The following FGD6 variants were observed in gnomAD, a reference collection of about 807,000 sequenced individuals.
FGD6 encodes FYVE, RhoGEF and PH domain containing 6.
In FGD6, 90 loss-of-function variants were observed where a neutral mutation model predicts 149.4. That is an observed-to-expected ratio of 0.60 (90% CI 0.51 to 0.72). The LOEUF (loss-of-function observed/expected upper bound fraction) is 0.72. Ranked by LOEUF, FGD6 falls within the 30% of genes least tolerant of loss-of-function variation. The pLI, the probability that FGD6 is intolerant of heterozygous loss-of-function variation, is 0.00. For missense variants in FGD6, 1,437 were observed against 1,684.8 expected (o/e 0.85, Z 2.57); for synonymous variants, 527 against 584.0 (o/e 0.90, Z 1.41).
intron 2 of FGD6, among the ~76,000 whole-genome samples, chr12:95,181,403 G>A (rs1485937812): frequency 2.0e-5 from 3 of 152,308 alleles, no homozygotes; most frequent in Middle Eastern, 6.8e-3. Flanking sequence ...GAGTCCAACA[G>A]ACACTCTTGG....
At chr12:95,171,105 C>CT (rs199688682) in intron 3 of FGD6, among the ~76,000 whole-genome samples, 119 of 152,092 alleles carry the variant, frequency 7.8e-4, no homozygotes, top group Middle Eastern at 3.4e-3. Flanking sequence ...GAGTACTATT[C>CT]TTTTTTTTAT....
chr12:95,152,940 C>T lies in FGD6; in HGVS notation c.2640G>A (p.Met880Ile), dbSNP rs1286150259. 1.2e-6 allele frequency: 2 copies of T among 1,613,908 alleles called. No homozygotes were observed. The highest frequency in any genetic ancestry group is 2.7e-5 in the African/African-American group (2 of 74,912). Residue 880 changes from methionine to isoleucine, a missense_variant, in exon 4 of 21, where the codon ATG (methionine) becomes ATA (isoleucine). This residue lies in a region of FGD6 where 1,055 missense variants were observed against 1,146.0 expected (regional missense o/e 0.92). Coordinates refer to ENST00000343958, the MANE Select transcript of FGD6 (RefSeq NM_018351.4). ...TAGATACCTACACTTTCTCTGAGCT[C>T]ATGATCTCCTTGGCAATATGATGAA... ...SKVHHIAKEI[M>I]SSEKVFVDVL...
chr12:95,092,931 G>A (rs1878106209), intron 15 of FGD6, 86 bp from the exon 16 acceptor site: 1 of 1,457,816 alleles, frequency 6.9e-7, no homozygotes, highest in Admixed American at 2.0e-5. Context: ...TACCAAGATG[G>A]GGATGAGGGT....
intron 8 of FGD6, among the ~76,000 whole-genome samples, chr12:95,123,766 G>T: frequency 6.6e-6 from 1 of 151,992 alleles, no homozygotes; most frequent in Non-Finnish European, 1.5e-5. Context: ...GTTTCACCGT[G>T]TTATTCAGGA....
intron 8 of FGD6, among the ~76,000 whole-genome samples, chr12:95,117,611 G>C (rs1178005236): frequency 1.3e-5 from 2 of 152,136 alleles, no homozygotes; most frequent in African/African-American, 2.4e-5. Flanking sequence ...ATTTTTTGTA[G>C]AGACGATGTC....
At chr12:95,099,964 C>T (rs915956985) in intron 14 of FGD6, among the ~76,000 whole-genome samples, 1 of 151,916 alleles carries the variant, frequency 6.6e-6, no homozygotes, top group Admixed American at 6.6e-5. Flanking sequence ...ATACCCTTTC[C>T]TGCCTCCCTG....
chr12:95,158,140 G>A (rs987074482), intron 3 of FGD6, among the ~76,000 whole-genome samples: 7 of 140,510 alleles, frequency 5.0e-5, no homozygotes, highest in African/African-American at 8.0e-5. Flanking sequence ...ATGAGCCACC[G>A]TGCCTGGCCA....
At chr12:95,185,742 TC>T (rs1289625077) in intron 2 of FGD6, among the ~76,000 whole-genome samples, 3 of 152,050 alleles carry the variant, frequency 2.0e-5, no homozygotes, top group Admixed American at 6.6e-5. Context: ...GCACCTGTAA[TC>T]CCGGCTACTC....
intron 9 of FGD6, among the ~76,000 whole-genome samples, chr12:95,112,143 A>G (rs1052593178): frequency 9.2e-5 from 14 of 152,042 alleles, no homozygotes; most frequent in African/African-American, 2.7e-4. Context: ...CTGAGGCAAG[A>G]GAATTACTTG....
chr12:95,110,683 C>T (rs1878791924), intron 9 of FGD6, among the ~76,000 whole-genome samples: 1 of 152,040 alleles, frequency 6.6e-6, no homozygotes, highest in African/African-American at 2.4e-5. Context: ...GTGCCTGGTA[C>T]CCTTTTCACA....
chr12:95,149,450 C>T (rs1345407022), intron 5 of FGD6, among the ~76,000 whole-genome samples: 5 of 124,030 alleles, frequency 4.0e-5, no homozygotes, highest in African/African-American at 6.1e-5. Flanking sequence ...ATATATAATA[C>T]ATAGTATATT....
At chr12:95,171,763 C>A (rs752122416) in intron 3 of FGD6, among the ~76,000 whole-genome samples, 1 of 152,076 alleles carries the variant, frequency 6.6e-6, no homozygotes, top group Non-Finnish European at 1.5e-5. Context: ...GATCCACCCC[C>A]CTCGGTCTCC....
At chr12:95,143,112 G>A (rs1205495641) in intron 5 of FGD6, among the ~76,000 whole-genome samples, 1 of 151,728 alleles carries the variant, frequency 6.6e-6, no homozygotes, top group Non-Finnish European at 1.5e-5. Flanking sequence ...AAATCTGAAA[G>A]CAAAGTTTGG....
chr12:95,210,649 C>T lies in FGD6; in HGVS notation c.635G>A (p.Cys212Tyr). The change falls in exon 2 of 21, where the codon TGT becomes TAT. Residue 212 changes from cysteine (C) to tyrosine (Y), a missense_variant. By Grantham distance (194) the Cys-to-Tyr change is radical (BLOSUM62 -2). Transcript: ENST00000343958. ...PTDSPEMNGGCNSNGQFRIEF... is the reference protein window; with the variant it reads ...PTDSPEMNGGYNSNGQFRIEF... ...AATTCTGAATTGTCCATTTGAATTA[C>T]AGCCACCATTCATTTCTGGGCTGTC... The T allele has an allele frequency of 3.1e-6, 5 of 1,614,156 alleles. No individual in the cohort carries two copies. Among genetic ancestry groups the T allele is most frequent in the East Asian group, 4.5e-5 (2 of 44,890 alleles).
In FGD6 at chr12:95,200,823, G is replaced by A. The variant is rs574172259; in HGVS notation, c.2441+8020C>T. 3.9e-5 allele frequency among the ~76,000 whole-genome samples: 6 copies of A among 152,128 alleles called. No homozygotes were observed. The South Asian group carries it at 6.2e-4, about 16-fold the overall frequency. On this transcript the variant is annotated intron_variant, in intron 2 of 20. Coordinates refer to ENST00000343958, the MANE Select transcript of FGD6 (RefSeq NM_018351.4). ...ATTACCAGAAGCAGGCTAAGCCACC[G>A]AAGTAGTTTTTCCATACCACCCAGA...
Position 95,094,599 on chromosome 12 carries a change from A to G in FGD6, c.3593T>C (p.Leu1198Pro), listed in dbSNP as rs767766138. ...AAAAGGAGAAAACAATACCTCATCAAGACTCCTACTAGGACAGAAGGTGAT... is the reference window on the plus strand; with the variant it reads ...AAAAGGAGAAAACAATACCTCATCAGGACTCCTACTAGGACAGAAGGTGAT... Reference protein sequence around the residue: ...KRITFCPSRSLDEADSENKEE... With the variant: ...KRITFCPSRSPDEADSENKEE... The change falls in exon 15 of 21, where the codon CTT (leucine) becomes CCT (proline). Residue 1198 changes from leucine to proline, a missense_variant. Leu to Pro is a moderately conservative substitution (Grantham distance 98). This residue lies in a region of FGD6 where 382 missense variants were observed against 538.7 expected (regional missense o/e 0.71). Transcript: ENST00000343958. 2 of 1,604,174 alleles carry G rather than the reference A, an allele frequency of 1.2e-6. No homozygotes were observed. Among genetic ancestry groups the G allele is most frequent in the Non-Finnish European group, 1.7e-6 (2 of 1,176,606 alleles).
chr12:95,191,465 C>A (rs1881584918), intron 2 of FGD6, among the ~76,000 whole-genome samples: 1 of 152,192 alleles, frequency 6.6e-6, no homozygotes, highest in East Asian at 1.9e-4. Flanking sequence ...CAAAATGCAG[C>A]TGGATTCTGA....
intron 1 of FGD6, among the ~76,000 whole-genome samples, chr12:95,213,001 C>T (rs532248199): frequency 1.8e-4 from 27 of 152,302 alleles, no homozygotes; most frequent in African/African-American, 6.3e-4. Flanking sequence ...TCCTATACTA[C>T]ATAATTTCAG....
At chr12:95,160,021 AC>A (rs1200316126) in intron 3 of FGD6, among the ~76,000 whole-genome samples, 25 of 150,938 alleles carry the variant, frequency 1.7e-4, no homozygotes, top group Admixed American at 1.5e-3. Context: ...AAAAAAAAAA[AC>A]AAAACCAAAC....
Sources: allele counts gnomAD v4.1 joint callset (sites outside exome capture counted in the v4.1 genomes callset), GRCh38; gene constraint gnomAD v4.1.1; regional missense constraint gnomAD v4.1.1; transcripts MANE v1.5; gene names NCBI Gene and HGNC (gene_info 2026-07-23, HGNC 2026-07-21).